Variants in CTBS observed in about 807,000 individuals in gnomAD.
CTBS encodes the protein di-N-acetylchitobiase.
In CTBS, 35 loss-of-function variants were observed where a neutral mutation model predicts 44.3. The observed-to-expected ratio is 0.79, with a 90% CI of 0.60 to 1.05. The LOEUF (loss-of-function observed/expected upper bound fraction) is 1.05, where lower values mean the gene tolerates loss of function less well. CTBS is among the 50% of genes least tolerant of loss of function. The pLI is 0.00. For missense variants in CTBS, 458 were observed against 475.3 expected (o/e 0.96, Z 0.34); for synonymous variants, 143 against 168.0 (o/e 0.85, Z 1.15).
At chr1:84,563,475 C>G (rs1429556781) in intron 5 of CTBS, 57 bp from the exon 6 acceptor site, 2 of 1,219,064 alleles carry the variant, frequency 1.6e-6, no homozygotes, top group Admixed American at 6.3e-5. Flanking sequence ...TCTTAAAAGC[C>G]AAACCAAAAA....
intron 1 of CTBS, among the ~76,000 whole-genome samples, chr1:84,572,149 T>C (rs1647325569): frequency 6.6e-6 from 1 of 152,124 alleles, no homozygotes; most frequent in Admixed American, 6.5e-5. Context: ...ACTGGGTCCT[T>C]GTGAGGGGAA....
chr1:84,570,499 A>G, intron 2 of CTBS, 83 bp downstream of exon 2: 1 of 1,198,750 alleles, frequency 8.3e-7, no homozygotes. Context: ...ACATAAAAGG[A>G]CTTTTTTGGA....
At chr1:84,570,552 G>A in intron 2 of CTBS, 30 bp downstream of exon 2, 1 of 1,572,688 alleles carries the variant, frequency 6.4e-7, no homozygotes. Flanking sequence ...TTTCCCAATT[G>A]CTGCACACAT....
Position 84,569,993 on chromosome 1 carries a change from C to T in CTBS, c.463G>A (p.Ala155Thr), listed in dbSNP as rs147257819. The T allele has an allele frequency of 1.2e-4, 189 of 1,613,330 alleles. No individual in the cohort carries two copies. The East Asian group carries it at 4.2e-3, about 36-fold the overall frequency. The change falls in exon 3 of 7, where the codon GCA becomes ACA. Residue 155 changes from alanine to threonine, a missense_variant. Transcript: ENST00000370630. ...GTTTCTTTGACTAAAGCAGTTAATGCATCATATTCAGGTGATAAACAATTA... is the reference window on the plus strand; with the variant it reads ...GTTTCTTTGACTAAAGCAGTTAATGTATCATATTCAGGTGATAAACAATTA... ...EVNCLSPEYD[A>T]LTALVKETTD...
chr1:84,569,902 A>G, intron 3 of CTBS, 29 bp downstream of exon 3: 1 of 1,552,838 alleles, frequency 6.4e-7, no homozygotes, highest in Non-Finnish European at 8.9e-7. Flanking sequence ...GGAAAATATG[A>G]GGTTTCCAAA....
rs1684280718 is a variant in CTBS, at chr1:84,551,788, A to G, written c.*3211T>C. 6.6e-6 allele frequency: 1 copy of G among 152,192 alleles called. No homozygotes were observed. The highest frequency in any genetic ancestry group is 6.6e-5 in the Admixed American group (1 of 15,264). 9.4% of individuals were successfully genotyped at this position (152,192 alleles called of 1,614,324 possible). A position where few individuals can be genotyped will look rare whatever the true frequency, so the allele number is the denominator to read the frequency against. The stretch of plus-strand genomic sequence containing the variant: ...TTCAATGAAGGAAAACTGTCTATTC[A>G]ATATATGGAGATAAAGCCAATATGT... On this transcript the variant is annotated 3_prime_UTR_variant, in exon 7 of 7. Coordinates refer to ENST00000370630, the MANE Select transcript of CTBS (RefSeq NM_004388.3).
At position 84,573,849 on chromosome 1, in the gene CTBS, T is replaced by G. The variant is rs12738101; in HGVS notation, c.177+390A>C. ...CAAAATACTCTGCATTCTAATGTAC[T>G]GTTGGAGTGCTGAGATTCTTTCAAA... is the stretch of plus-strand genomic sequence containing the variant. On this transcript the variant is annotated intron_variant, in intron 1 of 6. Coordinates refer to ENST00000370630, the MANE Select transcript of CTBS (RefSeq NM_004388.3). 3.8e-6 allele frequency: 4 copies of G among 1,064,590 alleles called. No homozygotes were observed. In the East Asian group the frequency reaches 3.1e-4, roughly 83 times the overall value. 65.9% of individuals were successfully genotyped at this position (1,064,590 alleles called of 1,614,324 possible).
intron 4 of CTBS, among the ~76,000 whole-genome samples, chr1:84,565,316 A>T (rs190738040): frequency 4.1e-4 from 63 of 152,362 alleles, no homozygotes; most frequent in Admixed American, 1.5e-3. Flanking sequence ...CATCAAATGA[A>T]TGACAGGTCA....
At position 84,574,249 on chromosome 1, in the gene CTBS, G is replaced by A. The variant is rs1647399948; in HGVS notation, c.167C>T (p.Pro56Leu). 1 of 1,605,112 alleles carries A rather than the reference G, an allele frequency of 6.2e-7. No individual in the cohort carries two copies. The highest frequency in any genetic ancestry group is 8.5e-7 in the Non-Finnish European group (1 of 1,176,684). Residue 56 changes from proline (P) to leucine (L), a missense_variant, in exon 1 of 7, where the codon CCA becomes CTA. Transcript: ENST00000370630. ...PELCRPIRHH[P>L]DFEVFVFDVG... ...GAGGAAGGCGCTGACCTCGAAATCT[G>A]GATGGTGGCGAATCGGGCGGCAGAG...
chr1:84,554,119 A>T lies in CTBS; in HGVS notation c.*880T>A, dbSNP rs1007764480. 1 of 152,202 alleles carries T rather than the reference A, an allele frequency of 6.6e-6. No individual in the cohort carries two copies. Among genetic ancestry groups the T allele is most frequent in the African/African-American group, 2.4e-5 (1 of 41,452 alleles). The allele number at this position is 152,202 out of a possible 1,614,324, so 9.4% of individuals were successfully genotyped here. ...TAGCGAGACCCTGTCTCTACAAAAAATAAAAATAAAAAAGATACATTGCAG... is the reference window on the plus strand; with the variant it reads ...TAGCGAGACCCTGTCTCTACAAAAATTAAAAATAAAAAAGATACATTGCAG... On this transcript the variant is annotated 3_prime_UTR_variant, in exon 7 of 7. Coordinates refer to ENST00000370630, the MANE Select transcript of CTBS (RefSeq NM_004388.3).
rs1684297878 is a variant in CTBS at position 84,552,306 on chromosome 1, C to T, written c.*2693G>A. 6.6e-6 allele frequency: 1 copy of T among 152,166 alleles called. No individual in the cohort carries two copies. Among genetic ancestry groups the T allele is most frequent in the African/African-American group, 2.4e-5 (1 of 41,436 alleles). The allele number at this position is 152,166 out of a possible 1,614,324, so 9.4% of individuals were successfully genotyped here. On this transcript the variant is annotated 3_prime_UTR_variant, in exon 7 of 7. Coordinates refer to ENST00000370630, the MANE Select transcript of CTBS (RefSeq NM_004388.3). ...AGGATCCTGTTTAAAAATGCAGGAT[C>T]TGACTCAGTAGGTCTGGGTGCAGCC...
In CTBS at chr1:84,571,926, C is replaced by T. The variant is rs560901545; in HGVS notation, c.178-1206G>A. Among the ~76,000 whole-genome samples the T allele has an allele frequency of 2.4e-3, 360 of 152,264 alleles. No homozygotes were observed. The Middle Eastern group carries it at 0.024, about 10-fold the overall frequency. ...GGAAAGCCCAAAGGTCGCTACACCTCAGGAGAATTCTGAGATTCTGGAACT... is the reference window on the plus strand; with the variant it reads ...GGAAAGCCCAAAGGTCGCTACACCTTAGGAGAATTCTGAGATTCTGGAACT... On this transcript the variant is annotated intron_variant, in intron 1 of 6. Transcript: ENST00000370630.
intron 4 of CTBS, 67 bp downstream of exon 4, chr1:84,565,774 A>T (rs1684687377): frequency 4.4e-6 from 4 of 903,088 alleles, no homozygotes; most frequent in Non-Finnish European, 5.9e-6. Context: ...TACTAAAAAC[A>T]TCTTAATATT....
In CTBS at chr1:84,552,251, A is replaced by G. The variant is rs2102010368; in HGVS notation, c.*2748T>C. The G allele has an allele frequency of 6.6e-6, 1 of 152,288 alleles. No homozygotes were observed. Among genetic ancestry groups the G allele is most frequent in the African/African-American group, 2.4e-5 (1 of 41,576 alleles). The allele number at this position is 152,288 out of a possible 1,614,324, so 9.4% of individuals were successfully genotyped here. A position where few individuals can be genotyped will look rare whatever the true frequency, so the allele number is the denominator to read the frequency against. Reference sequence around the variant, plus strand: ...TTATTCAAGATAGTATAGCATAAGTAGTGCTTCTCAAAGTTTAATATATCA... The same window carrying G: ...TTATTCAAGATAGTATAGCATAAGTGGTGCTTCTCAAAGTTTAATATATCA... On this transcript the variant is annotated 3_prime_UTR_variant, in exon 7 of 7. Transcript: ENST00000370630.
chr1:84,569,834 T>C (rs1647244655), intron 3 of CTBS, 97 bp downstream of exon 3: 1 of 1,084,748 alleles, frequency 9.2e-7, no homozygotes, highest in Non-Finnish European at 1.3e-6. Flanking sequence ...TCTTTCCCAT[T>C]GCATTACTAT....
At chr1:84,573,806 T>C (rs752931903) in intron 1 of CTBS, 162 of 834,716 alleles carry the variant, frequency 1.9e-4, no homozygotes, top group Non-Finnish European at 2.3e-4. Flanking sequence ...CTAGCAGGTA[T>C]AGAAAACTAA....
At position 84,554,207 on chromosome 1, in the gene CTBS, T is replaced by C. The variant is rs746064122; in HGVS notation, c.*792A>G. On this transcript the variant is annotated 3_prime_UTR_variant, in exon 7 of 7. Coordinates refer to ENST00000370630, the MANE Select transcript of CTBS (RefSeq NM_004388.3). ...CCAAGAAATAAATTATATATGTCCA[T>C]AAATGAAGAAATGAATAATTAGAAG... The C allele has an allele frequency of 3.3e-5, 5 of 152,032 alleles. No individual in the cohort carries two copies. Among genetic ancestry groups the C allele is most frequent in the Non-Finnish European group, 5.9e-5 (4 of 68,020 alleles). 9.4% of individuals were successfully genotyped at this position (152,032 alleles called of 1,614,324 possible).
At chr1:84,561,407 G>A (rs72950348) in intron 6 of CTBS, among the ~76,000 whole-genome samples, 2,373 of 152,260 alleles carry the variant, frequency 0.016, 62 homozygotes, top group African/African-American at 0.053. Flanking sequence ...TTATGAATAC[G>A]CAAAGAAAGT....
At chr1:84,567,555 A>G (rs931665424) in intron 3 of CTBS, among the ~76,000 whole-genome samples, 1 of 152,176 alleles carries the variant, frequency 6.6e-6, no homozygotes, top group African/African-American at 2.4e-5. Flanking sequence ...AATTTTTCCC[A>G]TCTATAAAAA....
Sources: gnomAD v4.1 joint callset for allele counts (sites outside exome capture counted in the v4.1 genomes callset) on GRCh38, gnomAD v4.1.1 for gene constraint, MANE v1.5 for transcripts, NCBI Gene and HGNC (gene_info 2026-07-23, HGNC 2026-07-21) for gene names.